The following ANO10 variants were observed in gnomAD, a reference collection of about 807,000 sequenced individuals.
ANO10 encodes anoctamin 10, also known as anoctamin-10.
In ANO10, 77 loss-of-function variants were observed where a neutral mutation model predicts 74.7. That is an observed-to-expected ratio of 1.03 (90% CI 0.86 to 1.25). The LOEUF is 1.25. Among genes scored for constraint, ANO10 ranks in the 50% most tolerant of loss-of-function variants. The pLI, the probability that ANO10 is intolerant of heterozygous loss-of-function variation, is 0.00. For missense variants in ANO10, 721 were observed against 778.1 expected, an observed-to-expected ratio of 0.93 and a Z score of 0.87; for synonymous variants, 279 against 284.9, an observed-to-expected ratio of 0.98 and a Z score of 0.21.
chr3:43,395,509 T>A (rs1385581618), intron 12 of ANO10, among the ~76,000 whole-genome samples: 1 of 152,200 alleles, frequency 6.6e-6, no homozygotes, highest in Non-Finnish European at 1.5e-5. Flanking sequence ...CACATGAATA[T>A]CCAATTGTTC....
intron 11 of ANO10, among the ~76,000 whole-genome samples, chr3:43,474,525 T>C (rs1015916382): frequency 3.9e-5 from 6 of 152,218 alleles, no homozygotes; most frequent in Admixed American, 2.0e-4. Flanking sequence ...ACATATTCAT[T>C]AACTTTGGTT....
chr3:43,557,713 C>G (rs1430555033), intron 9 of ANO10, among the ~76,000 whole-genome samples: 1 of 112,220 alleles, frequency 8.9e-6, no homozygotes, highest in East Asian at 2.5e-4. Flanking sequence ...CCAGCCTGGG[C>G]AACAGAGCGA....
chr3:43,620,906 G>T (rs1313537752), intron 1 of ANO10, among the ~76,000 whole-genome samples: 1 of 152,184 alleles, frequency 6.6e-6, no homozygotes, highest in African/African-American at 2.4e-5. Context: ...TTCAGCAACA[G>T]CTGTTCAGAA....
At chr3:43,397,531 TC>T (rs976233752) in intron 12 of ANO10, among the ~76,000 whole-genome samples, 24 of 152,286 alleles carry the variant, frequency 1.6e-4, no homozygotes, top group African/African-American at 5.8e-4. Flanking sequence ...CAGATCTCAG[TC>T]CACAACTTAT....
At chr3:43,476,159 A>AT (rs950718234) in intron 11 of ANO10, among the ~76,000 whole-genome samples, 3 of 152,034 alleles carry the variant, frequency 2.0e-5, no homozygotes, top group African/African-American at 7.2e-5. Context: ...GTTTTACAGT[A>AT]TTTTTTTCTG....
intron 1 of ANO10, among the ~76,000 whole-genome samples, chr3:43,684,059 C>G (rs1261011018): frequency 6.6e-6 from 1 of 152,098 alleles, no homozygotes; most frequent in Non-Finnish European, 1.5e-5. Context: ...GCAACAGCAA[C>G]AAAAGCCAAA....
chr3:43,412,408 T>C (rs547203836), intron 12 of ANO10, among the ~76,000 whole-genome samples: 3 of 152,158 alleles, frequency 2.0e-5, no homozygotes, highest in African/African-American at 2.4e-5. Flanking sequence ...CCTGTGGCTG[T>C]TGACCATCCC....
intron 11 of ANO10, among the ~76,000 whole-genome samples, chr3:43,499,477 G>T (rs927467744): frequency 6.6e-6 from 1 of 152,082 alleles, no homozygotes. Flanking sequence ...GGAGCATTGA[G>T]CAGGGGAAGA....
intron 11 of ANO10, chr3:43,485,138 C>T (rs546477141): frequency 1.6e-5 from 13 of 828,050 alleles, no homozygotes; most frequent in Non-Finnish European, 2.2e-5. Flanking sequence ...GTGGAGTGAT[C>T]TGGATGGAGT....
At chr3:43,623,604 T>G (rs566373352), upstream of ANO10, among the ~76,000 whole-genome samples, 3 of 152,332 alleles carry the variant, frequency 2.0e-5, no homozygotes, top group East Asian at 3.9e-4. Context: ...GATCAATGCC[T>G]CAACAAACTG....
At chr3:43,407,373 CCTTGA>C (rs2092595137) in intron 12 of ANO10, among the ~76,000 whole-genome samples, 1 of 152,166 alleles carries the variant, frequency 6.6e-6, no homozygotes, top group Non-Finnish European at 1.5e-5. Flanking sequence ...AGTTAAACTC[CCTTGA>C]CTTAAAGAGA....
chr3:43,651,277 A>G (rs538703896), intron 1 of ANO10, among the ~76,000 whole-genome samples: 1 of 148,136 alleles, frequency 6.8e-6, no homozygotes, highest in East Asian at 1.9e-4. Flanking sequence ...AGCTTTTAAT[A>G]GTGTACAGAA....
intron 11 of ANO10, among the ~76,000 whole-genome samples, chr3:43,528,820 A>G (rs1431714835): frequency 6.6e-6 from 1 of 151,966 alleles, no homozygotes; most frequent in Non-Finnish European, 1.5e-5. Context: ...TCAGCTGAGC[A>G]TGGTGGTGTG....
At chr3:43,384,537 C>T (rs572305270) in intron 12 of ANO10, among the ~76,000 whole-genome samples, 4 of 152,158 alleles carry the variant, frequency 2.6e-5, no homozygotes, top group East Asian at 1.9e-4. Context: ...ATAAGGCCAT[C>T]GTCACCAAAA....
At chr3:43,467,986 T>C (rs1010660856) in intron 11 of ANO10, among the ~76,000 whole-genome samples, 23 of 152,162 alleles carry the variant, frequency 1.5e-4, no homozygotes, top group African/African-American at 4.6e-4. Flanking sequence ...AGTGATGGAG[T>C]TCTTAGCATT....
At chr3:43,413,567 A>C (rs1479392190) in intron 12 of ANO10, among the ~76,000 whole-genome samples, 1 of 151,700 alleles carries the variant, frequency 6.6e-6, no homozygotes, top group African/African-American at 2.4e-5. Context: ...CCCAGAAGCC[A>C]ACACCATGCT....
At chr3:43,556,728 C>A (rs1231082652) in intron 9 of ANO10, among the ~76,000 whole-genome samples, 4 of 152,124 alleles carry the variant, frequency 2.6e-5, no homozygotes, top group Non-Finnish European at 4.4e-5. Flanking sequence ...AAGTTTTAAA[C>A]TGATAAAATG....
chr3:43,395,762 C>T (rs895234947), intron 12 of ANO10, among the ~76,000 whole-genome samples: 7 of 133,282 alleles, frequency 5.3e-5, no homozygotes, highest in African/African-American at 1.9e-4. Flanking sequence ...GCAAGTTCAT[C>T]AACTTCTACA....
intron 11 of ANO10, among the ~76,000 whole-genome samples, chr3:43,444,144 T>G (rs1265791834): frequency 6.6e-6 from 1 of 152,214 alleles, no homozygotes; most frequent in Non-Finnish European, 1.5e-5. Flanking sequence ...GACCTGCTAA[T>G]CAAGAGGCTT....
Sources: gnomAD v4.1 joint callset for allele counts (sites outside exome capture counted in the v4.1 genomes callset) on GRCh38, gnomAD v4.1.1 for gene constraint, MANE v1.5 for transcripts, NCBI Gene and HGNC (gene_info 2026-07-23, HGNC 2026-07-21) for gene names.